PPME1: variants seen among roughly 807,000 people sequenced by gnomAD.
PPME1 encodes testicular secretory protein Li 39.
In PPME1, 17 loss-of-function variants were observed where a neutral mutation model predicts 56.9. The observed-to-expected ratio is 0.30, with a 90% CI of 0.20 to 0.45. The LOEUF is 0.45. PPME1 is among the 20% of genes least tolerant of loss of function. The probability of loss-of-function intolerance (pLI) is 1.00; values close to 1 mark genes in which losing one functional copy is unlikely to be tolerated. For synonymous variants in PPME1, 122 were observed against 156.2 expected (o/e 0.78, Z 1.63); for missense variants, 357 against 483.2 (o/e 0.74, Z 2.45).
At chr11:74,249,285 T>G (rs1176900175) in intron 11 of PPME1, 1 of 152,230 alleles carries the variant, frequency 6.6e-6, no homozygotes, top group African/African-American at 2.4e-5. Flanking sequence ...GACTTAGTTA[T>G]GAAATCCTGG....
chr11:74,190,049 A>T (rs79468419), intron 1 of PPME1, among the ~76,000 whole-genome samples: 3,476 of 152,344 alleles, frequency 0.023, 127 homozygotes, highest in African/African-American at 0.078. Context: ...AAGTCAAAAC[A>T]GAGCAAGAAA....
chr11:74,253,453 G>C (rs749621658), intron 13 of PPME1, 39 bp from the exon 14 acceptor site: 1 of 1,587,030 alleles, frequency 6.3e-7, no homozygotes, highest in South Asian at 1.1e-5. Flanking sequence ...GCTATTGATA[G>C]TTACATTTGT....
intron 1 of PPME1, among the ~76,000 whole-genome samples, chr11:74,196,756 G>A (rs575538256): frequency 6.6e-6 from 1 of 152,246 alleles, no homozygotes; most frequent in Non-Finnish European, 1.5e-5. Flanking sequence ...GGGGAGATGT[G>A]TTCTGCTACA....
chr11:74,178,020 T>C (rs1362942831), intron 1 of PPME1, among the ~76,000 whole-genome samples: 3 of 152,232 alleles, frequency 2.0e-5, no homozygotes, highest in Non-Finnish European at 4.4e-5. Flanking sequence ...TTTGCTGTTA[T>C]CAGTTTACTG....
chr11:74,219,622 G>C (rs988198292), intron 3 of PPME1, among the ~76,000 whole-genome samples: 4 of 152,082 alleles, frequency 2.6e-5, no homozygotes, highest in African/African-American at 9.7e-5. Flanking sequence ...GGTCATTACG[G>C]TAAGTGAAAT....
intron 3 of PPME1, among the ~76,000 whole-genome samples, chr11:74,222,083 A>C (rs1328699708): frequency 2.0e-5 from 3 of 152,198 alleles, no homozygotes; most frequent in Non-Finnish European, 4.4e-5. Context: ...AGATTGAAAG[A>C]GGGATTTAGG....
At chr11:74,202,723 T>C (rs889178920) in intron 1 of PPME1, among the ~76,000 whole-genome samples, 1 of 152,162 alleles carries the variant, frequency 6.6e-6, no homozygotes, top group African/African-American at 2.4e-5. Flanking sequence ...TACTGATTTA[T>C]TTTGTTTTAG....
chr11:74,231,176 G>T (rs1468631369), intron 7 of PPME1, among the ~76,000 whole-genome samples, 174 bp downstream of exon 7: 1 of 152,126 alleles, frequency 6.6e-6, no homozygotes, highest in Admixed American at 6.5e-5. Context: ...TCCCACCTCA[G>T]CCTCCCAAGT....
intron 1 of PPME1, among the ~76,000 whole-genome samples, chr11:74,199,246 CT>C (rs1247359277): frequency 1.3e-5 from 2 of 152,154 alleles, no homozygotes; most frequent in Non-Finnish European, 2.9e-5. Flanking sequence ...AGTAATCTTT[CT>C]TTCCTCCTTT....
chr11:74,230,655 A>C lies in PPME1; in HGVS notation c.553+256A>C, dbSNP rs1021105651. On this transcript the variant is annotated intron_variant, in intron 6 of 13. Transcript: ENST00000328257. This position sits in a 1 kb window ranked among gnomAD's most constrained non-coding sequence, Gnocchi z 4.9. The stretch of plus-strand genomic sequence containing the variant: ...AATTGTATTTAATCATATAAAAAGA[A>C]GCTGCCATGTCTTTTCTGACCCAGC... 8 of 598,844 alleles carry C rather than the reference A, an allele frequency of 1.3e-5. No individual in the cohort carries two copies. The highest frequency in any genetic ancestry group is 6.7e-5 in the Admixed American group (2 of 29,984). 37.1% of individuals were successfully genotyped at this position (598,844 alleles called of 1,614,324 possible).
intron 12 of PPME1, 73 bp from the exon 13 acceptor site, chr11:74,251,575 C>T (rs1215172319): frequency 3.2e-6 from 5 of 1,578,656 alleles, no homozygotes; most frequent in East Asian, 4.5e-5. Flanking sequence ...AACCATCTAA[C>T]AGTAGCTCAC....
At chr11:74,178,960 G>A (rs1212643883) in intron 1 of PPME1, among the ~76,000 whole-genome samples, 2 of 151,638 alleles carry the variant, frequency 1.3e-5, no homozygotes, top group Non-Finnish European at 2.9e-5. Context: ...GTTCTATTAA[G>A]AGGGTGGCCA....
chr11:74,251,667 C>CT lies in PPME1; in HGVS notation c.1097dup (p.Leu367ProfsTer62). 1 of 1,613,834 alleles carries CT rather than the reference C, an allele frequency of 6.2e-7. No homozygotes were observed. Among genetic ancestry groups the CT allele is most frequent in the African/African-American group, 1.3e-5 (1 of 75,058 alleles). ...TTCCAGGTAGCTGAAGCTGTTGCCA[C>CT]TTTCCTGATCCGGCACAGGTTTGCA... On this transcript the variant is annotated frameshift_variant, in exon 13 of 14. Transcript: ENST00000328257. LOFTEE classifies it high-confidence loss of function.
chr11:74,180,895 C>T (rs1322513868), intron 1 of PPME1, among the ~76,000 whole-genome samples: 1 of 152,174 alleles, frequency 6.6e-6, no homozygotes, highest in African/African-American at 2.4e-5. Context: ...GGGACCAGAG[C>T]AAGTGGTCCA....
At position 74,230,797 on chromosome 11, in the gene PPME1, G is replaced by C; in HGVS notation, c.554-115G>C. ...TATTGAGGGCCATCTTTATTTCTCT[G>C]CGAGCATCACTAAATTCTGCTGTCA... On this transcript the variant is annotated intron_variant, in intron 6 of 13. Coordinates refer to ENST00000328257, the MANE Select transcript of PPME1 (RefSeq NM_016147.3). The surrounding 1 kb of genome is among the most constrained non-coding windows in gnomAD (Gnocchi z 4.9). 1.2e-6 allele frequency: 1 copy of C among 828,134 alleles called. No homozygotes were observed. The highest frequency in any genetic ancestry group is 1.7e-5 in the South Asian group (1 of 59,548). The allele number at this position is 828,134 out of a possible 1,614,324, so 51.3% of individuals were successfully genotyped here. A position where few individuals can be genotyped will look rare whatever the true frequency, so the allele number is the denominator to read the frequency against.
chr11:74,234,754 G>C (rs1565393005), intron 7 of PPME1, among the ~76,000 whole-genome samples: 1 of 152,350 alleles, frequency 6.6e-6, no homozygotes, highest in East Asian at 1.9e-4. Flanking sequence ...TAGGAGAGCA[G>C]AGAAATGGAG....
intron 13 of PPME1, 188 bp downstream of exon 13, chr11:74,251,903 C>A: frequency 1.2e-6 from 1 of 815,050 alleles, no homozygotes; most frequent in Non-Finnish European, 2.1e-6. Context: ...TTTCTTTGTG[C>A]TGTGCTCCCA....
chr11:74,199,141 A>G (rs569768464), intron 1 of PPME1, among the ~76,000 whole-genome samples: 7 of 151,774 alleles, frequency 4.6e-5, no homozygotes, highest in Non-Finnish European at 1.0e-4. Flanking sequence ...CTCCATCCCT[A>G]TTTCTATCAG....
chr11:74,189,817 T>C (rs995694149), intron 1 of PPME1, among the ~76,000 whole-genome samples: 4 of 152,194 alleles, frequency 2.6e-5, no homozygotes, highest in Admixed American at 6.5e-5. Flanking sequence ...TGTCATTTAG[T>C]ATTTTGGGGG....
Sources: allele counts gnomAD v4.1 joint callset (sites outside exome capture counted in the v4.1 genomes callset), GRCh38; gene constraint gnomAD v4.1.1; non-coding constraint Gnocchi (gnomAD v3.1); transcripts MANE v1.5; gene names NCBI Gene and HGNC (gene_info 2026-07-23, HGNC 2026-07-21).